The following ARB2A variants were observed in gnomAD, a reference collection of about 807,000 sequenced individuals.
The protein encoded by ARB2A is cotranscriptional regulator ARB2A.
the ARB2A span, among the ~76,000 whole-genome samples, chr5:94,110,966 G>A: frequency 5.3e-5 from 8 of 152,142 alleles, no homozygotes; most frequent in Non-Finnish European, 7.3e-5. Context: ...AGAGAAGACT[G>A]CTTCCAAAAC....
the ARB2A span, among the ~76,000 whole-genome samples, chr5:93,816,724 C>G: frequency 6.6e-6 from 1 of 152,106 alleles, no homozygotes; most frequent in Non-Finnish European, 1.5e-5. Context: ...CTTCAGCAGC[C>G]TTCCAAACAA....
the ARB2A span, among the ~76,000 whole-genome samples, chr5:94,092,506 T>C: frequency 4.6e-5 from 7 of 152,204 alleles, no homozygotes; most frequent in African/African-American, 7.2e-5. Context: ...TGCCAACACA[T>C]AACTCCAAGT....
the ARB2A span, among the ~76,000 whole-genome samples, chr5:94,024,599 C>T: frequency 7.2e-5 from 11 of 151,764 alleles, no homozygotes; most frequent in South Asian, 2.1e-4. Flanking sequence ...AAAGGTAGAA[C>T]GATATATTAA....
the ARB2A span, among the ~76,000 whole-genome samples, chr5:94,059,862 G>A: frequency 6.6e-6 from 1 of 151,766 alleles, no homozygotes; most frequent in Non-Finnish European, 1.5e-5. Flanking sequence ...ATCACCAGCA[G>A]GCCTGCAAAA....
chr5:93,727,292 T>C, the ARB2A span, among the ~76,000 whole-genome samples: 1 of 152,080 alleles, frequency 6.6e-6, no homozygotes, highest in East Asian at 1.9e-4. Flanking sequence ...GGTTAGTACA[T>C]GCTTTTACAG....
the ARB2A span, among the ~76,000 whole-genome samples, chr5:93,815,947 C>CTGAAACTA: frequency 6.6e-6 from 1 of 152,178 alleles, no homozygotes; most frequent in Non-Finnish European, 1.5e-5. Flanking sequence ...GTAGCTCCTC[C>CTGAAACTA]TGAAACTATC....
chr5:93,812,031 T>C, the ARB2A span, among the ~76,000 whole-genome samples: 1 of 152,148 alleles, frequency 6.6e-6, no homozygotes, highest in Non-Finnish European at 1.5e-5. Flanking sequence ...AACACAGTAA[T>C]TGGATATGAA....
At chr5:93,688,272 C>T in the ARB2A span, among the ~76,000 whole-genome samples, 1 of 152,240 alleles carries the variant, frequency 6.6e-6, no homozygotes, top group African/African-American at 2.4e-5. Flanking sequence ...CCGCGCCTGG[C>T]CATTCTTTAA....
chr5:93,838,911 G>A, the ARB2A span, among the ~76,000 whole-genome samples: 9 of 152,162 alleles, frequency 5.9e-5, no homozygotes, highest in Admixed American at 5.9e-4. Context: ...CTGAAACTTT[G>A]CAGAAATTGT....
At chr5:94,041,054 T>C in the ARB2A span, among the ~76,000 whole-genome samples, 41 of 152,218 alleles carry the variant, frequency 2.7e-4, no homozygotes, top group East Asian at 7.5e-3. Context: ...AGTGTAAGAA[T>C]TTCTTACTAG....
At chr5:93,855,133 TG>T in the ARB2A span, among the ~76,000 whole-genome samples, 3 of 152,270 alleles carry the variant, frequency 2.0e-5, no homozygotes, top group South Asian at 6.2e-4. Flanking sequence ...TTTATGAATC[TG>T]GGTGCTCCTG....
the ARB2A span, among the ~76,000 whole-genome samples, chr5:93,646,825 AAAATAAATTTTATTTTTAAAAT>A: frequency 0.014 from 2,188 of 152,262 alleles, 57 homozygotes; most frequent in African/African-American, 0.049. Flanking sequence ...ATTAAGTTTA[AAAATAAATTTTATTTTTAAAAT>A]AATTTCAAAC....
At chr5:93,772,982 A>G in the ARB2A span, among the ~76,000 whole-genome samples, 2 of 152,188 alleles carry the variant, frequency 1.3e-5, no homozygotes, top group East Asian at 3.8e-4. Flanking sequence ...AGGTGACAAC[A>G]CCTTGTGTGG....
chr5:93,749,154 AC>A, the ARB2A span, among the ~76,000 whole-genome samples: 1 of 151,836 alleles, frequency 6.6e-6, no homozygotes, highest in Admixed American at 6.6e-5. Context: ...TCTTTACTGC[AC>A]TGTCATGTGT....
At chr5:94,012,358 C>T in the ARB2A span, among the ~76,000 whole-genome samples, 6 of 152,210 alleles carry the variant, frequency 3.9e-5, no homozygotes, top group Non-Finnish European at 8.8e-5. Context: ...GCAGAAATCG[C>T]GCCACTGCAC....
the ARB2A span, among the ~76,000 whole-genome samples, chr5:93,933,851 T>TA: frequency 6.6e-6 from 1 of 151,066 alleles, no homozygotes; most frequent in South Asian, 2.1e-4. Context: ...CAAAAAAATA[T>TA]AAAAATTAGC....
the ARB2A span, among the ~76,000 whole-genome samples, chr5:93,882,096 C>G: frequency 1.3e-5 from 2 of 151,410 alleles, no homozygotes; most frequent in African/African-American, 2.4e-5. Context: ...GTTTACAATT[C>G]AAACTACATT....
chr5:93,665,276 CTG>C, the ARB2A span, among the ~76,000 whole-genome samples: 1 of 152,136 alleles, frequency 6.6e-6, no homozygotes, highest in African/African-American at 2.4e-5. Context: ...AATAATGAGT[CTG>C]TGTTAAATGA....
chr5:94,092,112 G>A, the ARB2A span, among the ~76,000 whole-genome samples: 2 of 151,398 alleles, frequency 1.3e-5, no homozygotes, highest in African/African-American at 2.4e-5. Flanking sequence ...AGCATTTTGG[G>A]AGGTTGAAGC....
Sources: gnomAD v4.1 joint callset for allele counts (sites outside exome capture counted in the v4.1 genomes callset) on GRCh38, gnomAD v4.1.1 for gene constraint, MANE v1.5 for transcripts, NCBI Gene and HGNC (gene_info 2026-07-23, HGNC 2026-07-21) for gene names.